AFG3L2: variants seen among roughly 807,000 people sequenced by gnomAD.
The protein encoded by AFG3L2 is AFG3 like matrix AAA peptidase subunit 2.
In AFG3L2, 54 loss-of-function variants were observed where a neutral mutation model predicts 94.5. That is an observed-to-expected ratio of 0.57 (90% CI 0.46 to 0.72). AFG3L2 has a LOEUF of 0.72. AFG3L2 is among the 30% of genes least tolerant of loss of function. AFG3L2 has a pLI of 0.00. For missense variants in AFG3L2, 754 were observed against 994.9 expected, an observed-to-expected ratio of 0.76 and a Z score of 3.26; for synonymous variants, 377 against 365.5, an observed-to-expected ratio of 1.03 and a Z score of -0.36.
chr18:12,334,108 CAG>C (rs1163448230), intron 16 of AFG3L2, among the ~76,000 whole-genome samples: 1 of 152,230 alleles, frequency 6.6e-6, no homozygotes, highest in African/African-American at 2.4e-5. Flanking sequence ...CCTGCCCTCG[CAG>C]AGTCTGGAAG....
rs773240455 is a variant in AFG3L2 at position 12,340,367 on chromosome 18, T to C, written c.1814A>G (p.Tyr605Cys). ...SIIPRGKGLG[Y>C]AQYLPKEQYL... ...TTGTTCTTTTGGTAAATACTGAGCA[T>C]AACCTAGTCCTTTGCCACGTGGGAT... is the stretch of plus-strand genomic sequence containing the variant. Residue 605 changes from tyrosine to cysteine, a missense_variant, in exon 15 of 17, where the codon TAT (tyrosine) becomes TGT (cysteine). By Grantham distance (194) the Tyr-to-Cys change is radical. Around this residue, in one of 4 missense-constraint regions of AFG3L2, gnomAD observed 279 missense variants for 378.6 expected, o/e 0.74. Transcript: ENST00000269143. 2.5e-6 allele frequency: 4 copies of C among 1,614,180 alleles called. No individual in the cohort carries two copies. The highest frequency in any genetic ancestry group is 2.5e-6 in the Non-Finnish European group (3 of 1,180,014).
chr18:12,376,493 C>T (rs1194726872), intron 1 of AFG3L2, among the ~76,000 whole-genome samples: 1 of 152,182 alleles, frequency 6.6e-6, no homozygotes, highest in African/African-American at 2.4e-5. Context: ...ATAATAATAG[C>T]TAATACTGCC....
At position 12,329,624 on chromosome 18, in the gene AFG3L2, A is replaced by C; in HGVS notation, c.2335T>G (p.Trp779Gly). 1.2e-6 allele frequency: 2 copies of C among 1,614,088 alleles called. No individual in the cohort carries two copies. Among genetic ancestry groups the C allele is most frequent in the Non-Finnish European group, 1.7e-6 (2 of 1,180,022 alleles). The change falls in exon 17 of 17, where the codon TGG (tryptophan) becomes GGG (glycine). Residue 779 changes from tryptophan to glycine, a missense_variant. Physicochemically the swap from Trp to Gly is radical, Grantham distance 184 (BLOSUM62 -2). Around this residue, in one of 4 missense-constraint regions of AFG3L2, gnomAD observed 279 missense variants for 378.6 expected, o/e 0.74. Transcript: ENST00000269143. The part of the protein sequence containing the change: ...DTSLPEGLKD[W>G]NKEREKEKEE... ...TTCTCCTTTTCCCGCTCCTTGTTCC[A>C]GTCCTTAAGGCCTTCTGGAAGTGAG...
chr18:12,333,124 T>TTA (rs577723517), intron 16 of AFG3L2, among the ~76,000 whole-genome samples: 4 of 98,548 alleles, frequency 4.1e-5, no homozygotes, highest in Non-Finnish European at 7.4e-5. Context: ...ATATAATAGA[T>TTA]TATATATATA....
chr18:12,367,875 G>C (rs574973288), intron 3 of AFG3L2, among the ~76,000 whole-genome samples: 1 of 152,178 alleles, frequency 6.6e-6, no homozygotes, highest in African/African-American at 2.4e-5. Flanking sequence ...AACAAAGCAA[G>C]ACCCTGCCTC....
chr18:12,369,781 G>A (rs1908920879), intron 3 of AFG3L2, among the ~76,000 whole-genome samples: 2 of 151,656 alleles, frequency 1.3e-5, no homozygotes, highest in African/African-American at 4.8e-5. Flanking sequence ...GATGGGCCGG[G>A]CATGGTGGCT....
intron 7 of AFG3L2, among the ~76,000 whole-genome samples, chr18:12,359,233 G>GA (rs1269367773): frequency 6.6e-6 from 1 of 152,050 alleles, no homozygotes; most frequent in Non-Finnish European, 1.5e-5. Context: ...GATGAGAGAA[G>GA]AATCACCTAA....
chr18:12,344,939 C>T (rs1453156760), intron 13 of AFG3L2, among the ~76,000 whole-genome samples: 1 of 152,192 alleles, frequency 6.6e-6, no homozygotes, highest in African/African-American at 2.4e-5. Flanking sequence ...GAAACCAAAA[C>T]TCTGGAAAGG....
intron 9 of AFG3L2, among the ~76,000 whole-genome samples, chr18:12,355,650 T>C (rs2143181401): frequency 6.6e-6 from 1 of 152,174 alleles, no homozygotes; most frequent in East Asian, 1.9e-4. Context: ...TTGGGTAGTT[T>C]GCTTAGGACT....
At chr18:12,333,336 TATATATA>T (rs1340107379) in intron 16 of AFG3L2, among the ~76,000 whole-genome samples, 1 of 131,554 alleles carries the variant, frequency 7.6e-6, no homozygotes, top group Admixed American at 9.3e-5. Context: ...TATAAAATTA[TATATATA>T]ATATATAATT....
rs142904481 is a variant in AFG3L2 at position 12,363,671 on chromosome 18, G to A, written c.627+111C>T. ...CACCCCTGCCACACTGCCCAGTTCTGATATATCTGGTGCGTATAACTCCTA... is the reference window on the plus strand; with the variant it reads ...CACCCCTGCCACACTGCCCAGTTCTAATATATCTGGTGCGTATAACTCCTA... On this transcript the variant is annotated intron_variant, in intron 6 of 16. Transcript: ENST00000269143. 4,828 of 848,946 alleles carry A rather than the reference G, an allele frequency of 5.7e-3. 24 individuals are homozygous for A. Among genetic ancestry groups the A allele is most frequent in the Middle Eastern group, 7.9e-3 (23 of 2,894 alleles). The allele number at this position is 848,946 out of a possible 1,614,324, so 52.6% of individuals were successfully genotyped here.
Position 12,334,965 on chromosome 18 carries a change from G to A in AFG3L2, c.2175+2376C>T, listed in dbSNP as rs79806283. Among the ~76,000 whole-genome samples, 1,339 of 152,234 alleles carry A rather than the reference G, an allele frequency of 8.8e-3. 14 individuals carry two copies. The highest frequency in any genetic ancestry group is 0.03 in the African/African-American group (1,256 of 41,536). On this transcript the variant is annotated intron_variant, in intron 16 of 16. Transcript: ENST00000269143. ...ACTTATGAAAGGAAAATAAAATCTCGGGACCCTAAACGCATTATGCCAAGG... is the reference window on the plus strand; with the variant it reads ...ACTTATGAAAGGAAAATAAAATCTCAGGACCCTAAACGCATTATGCCAAGG...
chr18:12,370,929 G>A lies in AFG3L2; in HGVS notation c.215-3C>T. On this transcript the variant is annotated splice_region_variant and splice_polypyrimidine_tract_variant and intron_variant, in intron 2 of 16. Transcript: ENST00000269143. Reference sequence around the variant, plus strand: ...ATTAGGAAAGTATTTTTCAAATCCTGTTAGAAAAAGAAAAAAAATACTTAT... The same window carrying A: ...ATTAGGAAAGTATTTTTCAAATCCTATTAGAAAAAGAAAAAAAATACTTAT... 1 of 1,502,286 alleles carries A rather than the reference G, an allele frequency of 6.7e-7. No homozygotes were observed. Among genetic ancestry groups the A allele is most frequent in the South Asian group, 1.2e-5 (1 of 85,154 alleles). The allele number at this position is 1,502,286 out of a possible 1,614,324, so 93.1% of individuals were successfully genotyped here.
chr18:12,370,054 C>CAAA (rs796293157), intron 3 of AFG3L2, among the ~76,000 whole-genome samples: 894 of 35,896 alleles, frequency 0.025, 77 homozygotes, highest in African/African-American at 0.058. Context: ...GACTCTGTCT[C>CAAA]AAAAAAAAAA....
At chr18:12,355,762 A>G (rs973905219) in intron 9 of AFG3L2, among the ~76,000 whole-genome samples, 2 of 150,678 alleles carry the variant, frequency 1.3e-5, no homozygotes, top group Admixed American at 6.6e-5. Flanking sequence ...TCTGCCTCCC[A>G]GGTTCACGCC....
chr18:12,349,828 A>T (rs1908257692), intron 12 of AFG3L2, among the ~76,000 whole-genome samples: 1 of 151,540 alleles, frequency 6.6e-6, no homozygotes, highest in Non-Finnish European at 1.5e-5. Context: ...ACGCCCGGCA[A>T]TTTTTGTATT....
chr18:12,366,501 C>T (rs956480297), intron 5 of AFG3L2, among the ~76,000 whole-genome samples: 2 of 152,150 alleles, frequency 1.3e-5, no homozygotes, highest in Admixed American at 6.5e-5. Context: ...TGACAACACA[C>T]GCTGATTAGC....
intron 2 of AFG3L2, among the ~76,000 whole-genome samples, chr18:12,371,350 A>C (rs1367254787): frequency 6.6e-6 from 1 of 152,176 alleles, no homozygotes; most frequent in African/African-American, 2.4e-5. Flanking sequence ...TAAAAGCATA[A>C]CATTTCTTGT....
At chr18:12,356,548 T>C (rs947909716) in intron 9 of AFG3L2, 146 bp downstream of exon 9, 1 of 1,165,544 alleles carries the variant, frequency 8.6e-7, no homozygotes, top group Non-Finnish European at 1.3e-6. Flanking sequence ...GCTGAAGTCT[T>C]AGGCCTGGAG....
Sources: gnomAD v4.1 joint callset for allele counts (sites outside exome capture counted in the v4.1 genomes callset) on GRCh38, gnomAD v4.1.1 for gene constraint, gnomAD v4.1.1 regional missense constraint, MANE v1.5 for transcripts, NCBI Gene and HGNC (gene_info 2026-07-23, HGNC 2026-07-21) for gene names.